HYCC2: variants seen among roughly 807,000 people sequenced by gnomAD.
The protein encoded by HYCC2 is hyccin 2.
At chr2:201,025,932 A>G in the HYCC2 span, among the ~76,000 whole-genome samples, 1 of 152,116 alleles carries the variant, frequency 6.6e-6, no homozygotes, top group African/African-American at 2.4e-5. Context: ...GGGTGCGCTA[A>G]TATCATGATA....
chr2:201,057,831 T>G, the HYCC2 span, among the ~76,000 whole-genome samples: 34 of 152,152 alleles, frequency 2.2e-4, 1 homozygote, highest in African/African-American at 8.2e-4. Context: ...GAACTCCCAG[T>G]AGGCAAAACT....
the HYCC2 span, chr2:200,993,119 G>A: frequency 4.4e-6 from 3 of 676,162 alleles, no homozygotes; most frequent in African/African-American, 1.8e-5. Context: ...TTGAGTGCCT[G>A]TTATATACCA....
At chr2:201,038,510 T>C in the HYCC2 span, among the ~76,000 whole-genome samples, 3 of 152,090 alleles carry the variant, frequency 2.0e-5, no homozygotes, top group Non-Finnish European at 2.9e-5. Context: ...CCATCAATGA[T>C]AGACTAGATT....
the HYCC2 span, chr2:201,063,197 C>G: frequency 6.2e-7 from 1 of 1,607,568 alleles, no homozygotes; most frequent in South Asian, 1.1e-5. Flanking sequence ...TTTTGAGCAA[C>G]GGGGAACGCT....
At chr2:201,035,932 CA>C in the HYCC2 span, among the ~76,000 whole-genome samples, 3 of 152,180 alleles carry the variant, frequency 2.0e-5, no homozygotes, top group African/African-American at 7.2e-5. Context: ...TGGTGAACAG[CA>C]AATGTTGCTG....
At chr2:201,063,467 C>A in the HYCC2 span, 38 of 1,590,540 alleles carry the variant, frequency 2.4e-5, no homozygotes, top group Non-Finnish European at 3.2e-5. Flanking sequence ...TTATTTTGAA[C>A]AGTATGGAAA....
chr2:201,043,701 G>C, the HYCC2 span, among the ~76,000 whole-genome samples: 1 of 151,660 alleles, frequency 6.6e-6, no homozygotes, highest in African/African-American at 2.4e-5. Flanking sequence ...GTAGAGACAG[G>C]GATTCACTGT....
chr2:201,033,384 T>G, the HYCC2 span, among the ~76,000 whole-genome samples: 3 of 149,674 alleles, frequency 2.0e-5, no homozygotes, highest in Non-Finnish European at 3.0e-5. Flanking sequence ...TATTTTATTT[T>G]ATTTTATTTT....
the HYCC2 span, among the ~76,000 whole-genome samples, chr2:200,993,569 T>C: frequency 3.3e-5 from 5 of 152,320 alleles, no homozygotes; most frequent in African/African-American, 1.2e-4. Context: ...ATAATTATAA[T>C]AGTGAGTCCA....
chr2:201,047,890 C>CAA, the HYCC2 span, among the ~76,000 whole-genome samples: 1,400 of 67,862 alleles, frequency 0.021, 37 homozygotes, highest in African/African-American at 0.055. Context: ...TTAAAATTTG[C>CAA]AAAAAAAAAA....
At chr2:200,996,716 A>C in the HYCC2 span, 2 of 152,214 alleles carry the variant, frequency 1.3e-5, no homozygotes, top group East Asian at 3.8e-4. Flanking sequence ...AATGAGACAC[A>C]CACATCATTG....
the HYCC2 span, chr2:200,987,559 T>C: frequency 7.8e-7 from 1 of 1,285,236 alleles, no homozygotes; most frequent in Non-Finnish European, 1.0e-6. Flanking sequence ...AACATTTTAG[T>C]GCTTTTATGC....
chr2:201,003,970 C>G, the HYCC2 span, among the ~76,000 whole-genome samples: 4,181 of 151,830 alleles, frequency 0.028, 103 homozygotes, highest in Middle Eastern at 0.089. Flanking sequence ...CCCACCATCA[C>G]GCCCAACTAA....
At chr2:200,982,576 G>C in the HYCC2 span, among the ~76,000 whole-genome samples, 18 of 152,184 alleles carry the variant, frequency 1.2e-4, 1 homozygote, top group South Asian at 3.7e-3. Flanking sequence ...GAGAGCAGTG[G>C]TAGGGAACCA....
chr2:201,004,095 C>T, the HYCC2 span, among the ~76,000 whole-genome samples: 1 of 152,096 alleles, frequency 6.6e-6, no homozygotes, highest in Non-Finnish European at 1.5e-5. Flanking sequence ...GGATTACAGG[C>T]GTGAGCCACC....
At chr2:200,991,546 G>C in the HYCC2 span, among the ~76,000 whole-genome samples, 1 of 150,320 alleles carries the variant, frequency 6.7e-6, no homozygotes, top group South Asian at 2.1e-4. Flanking sequence ...TCCAGCATAG[G>C]AGACAGAGCA....
the HYCC2 span, among the ~76,000 whole-genome samples, chr2:201,007,908 T>G: frequency 6.6e-6 from 1 of 152,240 alleles, no homozygotes; most frequent in African/African-American, 2.4e-5. Context: ...TTTACTGTCA[T>G]GCATTGATGC....
the HYCC2 span, among the ~76,000 whole-genome samples, chr2:201,032,302 T>C: frequency 6.6e-6 from 1 of 152,230 alleles, no homozygotes; most frequent in African/African-American, 2.4e-5. Context: ...TATATAACAG[T>C]ACAAGCTTTA....
At chr2:201,051,646 C>T in the HYCC2 span, among the ~76,000 whole-genome samples, 29 of 151,986 alleles carry the variant, frequency 1.9e-4, no homozygotes, top group African/African-American at 7.0e-4. Context: ...ACAATGAAAA[C>T]AAGAAAACAT....
Sources: allele counts gnomAD v4.1 joint callset (sites outside exome capture counted in the v4.1 genomes callset), GRCh38; gene constraint gnomAD v4.1.1; transcripts MANE v1.5; gene names NCBI Gene and HGNC (gene_info 2026-07-23, HGNC 2026-07-21).